Variants in ELF1 observed in about 807,000 individuals in gnomAD.
ELF1 encodes E74 like ETS transcription factor 1.
ELF1 carries 24 observed loss-of-function variants against 59.9 expected under a neutral mutation model. That is an observed-to-expected ratio of 0.40 (90% confidence interval 0.29 to 0.56). The LOEUF is 0.56. Ranked by LOEUF, ELF1 falls within the 20% of genes least tolerant of loss-of-function variation. ELF1 has a pLI of 0.44. For synonymous variants in ELF1, 248 were observed against 266.2 expected, an observed-to-expected ratio of 0.93 and a Z score of 0.67; for missense variants, 627 against 742.2, an observed-to-expected ratio of 0.84 and a Z score of 1.80.
At position 41,026,379 on chromosome 13, in the gene ELF1, A is replaced by G. The variant is rs145370454; in HGVS notation, c.-229+34459T>C. The stretch of plus-strand genomic sequence containing the variant: ...CCTCATTTGAGTGTTACTCCGGCCC[A>G]ATTACCAAGTGACCAGAAAAGCTGC... On this transcript the variant is annotated intron_variant, in intron 1 of 1. Coordinates refer to the ELF1 transcript ENST00000405737. Among the ~76,000 whole-genome samples, 621 of 152,306 alleles carry G rather than the reference A, an allele frequency of 4.1e-3. 2 individuals are homozygous for G. The highest frequency in any genetic ancestry group is 6.5e-3 in the Non-Finnish European group (443 of 68,026).
chr13:40,948,106 A>C (rs1353702460), intron 5 of ELF1, among the ~76,000 whole-genome samples: 1 of 152,202 alleles, frequency 6.6e-6, no homozygotes, highest in Non-Finnish European at 1.5e-5. Flanking sequence ...ACAGGAAATA[A>C]ATGAGGCAAG....
chr13:40,942,835 C>T (rs779161510), intron 7 of ELF1, 117 bp downstream of exon 7: 1 of 1,103,882 alleles, frequency 9.1e-7, no homozygotes, highest in Non-Finnish European at 1.2e-6. Flanking sequence ...AATGTACCCT[C>T]TTATTATGTA....
At chr13:40,968,131 G>A (rs912489615) in intron 2 of ELF1, among the ~76,000 whole-genome samples, 2 of 152,092 alleles carry the variant, frequency 1.3e-5, no homozygotes, top group African/African-American at 2.4e-5. Flanking sequence ...GCTTATTACC[G>A]ACATACATTT....
At chr13:41,050,128 T>C (rs1877026339) in intron 1 of ELF1, among the ~76,000 whole-genome samples, 1 of 152,236 alleles carries the variant, frequency 6.6e-6, no homozygotes, top group African/African-American at 2.4e-5. Context: ...TCTTTTCATC[T>C]TTCAAAGCTG....
upstream of ELF1, among the ~76,000 whole-genome samples, chr13:41,021,718 G>A (rs1297144405): frequency 6.6e-6 from 1 of 152,120 alleles, no homozygotes; most frequent in Admixed American, 6.5e-5. Context: ...ACTACATAAA[G>A]CACTTTCACA....
At chr13:40,935,671 T>TA (rs1029895212) in intron 8 of ELF1, among the ~76,000 whole-genome samples, 1 of 128,168 alleles carries the variant, frequency 7.8e-6, no homozygotes, top group African/African-American at 2.5e-5. Flanking sequence ...TATAGCCAGA[T>TA]ACCATTTTTT....
At chr13:41,051,435 G>A (rs1356664453) in intron 1 of ELF1, among the ~76,000 whole-genome samples, 1 of 151,918 alleles carries the variant, frequency 6.6e-6, no homozygotes, top group Non-Finnish European at 1.5e-5. Context: ...GTGCACCTTG[G>A]CATTAGAGGG....
intron 1 of ELF1, chr13:40,993,171 G>A: frequency 6.6e-7 from 1 of 1,510,070 alleles, no homozygotes. Context: ...AGTGTGTGTG[G>A]TTCTTCCTGC....
At chr13:41,061,373 C>T (rs1877618783) in exon 1 of ELF1, 3 of 522,542 alleles carry the variant, frequency 5.7e-6, no homozygotes, top group East Asian at 3.4e-5. Context: ...GCTCAGGTCC[C>T]GTCGCGCTTT....
intron 1 of ELF1, among the ~76,000 whole-genome samples, chr13:41,014,620 T>C (rs907646210): frequency 6.6e-6 from 1 of 152,194 alleles, no homozygotes; most frequent in Non-Finnish European, 1.5e-5. Context: ...ATTGTTCAGA[T>C]AGTTGGAAAC....
intron 1 of ELF1, among the ~76,000 whole-genome samples, chr13:41,054,636 T>C (rs925214165): frequency 6.6e-6 from 1 of 152,234 alleles, no homozygotes; most frequent in Non-Finnish European, 1.5e-5. Flanking sequence ...TTATCTGTTG[T>C]ATCTGATCCT....
intron 1 of ELF1, among the ~76,000 whole-genome samples, chr13:40,991,491 G>A (rs1873850264): frequency 6.6e-6 from 1 of 152,092 alleles, no homozygotes; most frequent in Non-Finnish European, 1.5e-5. Context: ...TGCAAAGACA[G>A]ATCTGGAACT....
chr13:40,988,858 T>C (rs1272729181), intron 1 of ELF1, among the ~76,000 whole-genome samples: 3 of 152,360 alleles, frequency 2.0e-5, no homozygotes, highest in African/African-American at 7.2e-5. Flanking sequence ...TGGAGTGCAG[T>C]GGCACGATCT....
rs1234808222 is a variant in ELF1, at chr13:40,933,315, C to T, written c.*110G>A. 1.7e-5 allele frequency: 23 copies of T among 1,365,506 alleles called. No individual in the cohort carries two copies. The highest frequency in any genetic ancestry group is 6.2e-5 in the South Asian group (4 of 64,998). 84.6% of individuals were successfully genotyped at this position (1,365,506 alleles called of 1,614,324 possible). A position where few individuals can be genotyped will look rare whatever the true frequency, so the allele number is the denominator to read the frequency against. ...AAGTCAAAATTAACTCTATTTTTAA[C>T]AATTACAAAATTAGAAACCTCCTTA... On this transcript the variant is annotated 3_prime_UTR_variant, in exon 9 of 9. Coordinates refer to ENST00000239882, the MANE Select transcript of ELF1 (RefSeq NM_172373.4).
chr13:41,056,557 T>C (rs1160310608), intron 1 of ELF1, among the ~76,000 whole-genome samples: 2 of 152,238 alleles, frequency 1.3e-5, no homozygotes, highest in Non-Finnish European at 1.5e-5. Context: ...CAAACTGTTT[T>C]CCAAAGCAAC....
At chr13:41,008,708 C>T (rs769817067) in intron 1 of ELF1, among the ~76,000 whole-genome samples, 2 of 152,166 alleles carry the variant, frequency 1.3e-5, no homozygotes, top group African/African-American at 2.4e-5. Context: ...TGTTGATGAG[C>T]TTTGGTGTAG....
intron 5 of ELF1, among the ~76,000 whole-genome samples, chr13:40,945,513 T>A (rs1566166985): frequency 3.3e-5 from 5 of 152,154 alleles, no homozygotes; most frequent in Admixed American, 2.0e-4. Context: ...TGGGGAGAAC[T>A]TGAAGAGAGG....
chr13:40,997,361 G>A (rs1027791924), intron 1 of ELF1, among the ~76,000 whole-genome samples: 4 of 151,980 alleles, frequency 2.6e-5, no homozygotes, highest in East Asian at 1.9e-4. Flanking sequence ...AGGTTCAAGC[G>A]ATTCTTCTGC....
At position 40,968,572 on chromosome 13, in the gene ELF1, A is replaced by G. The variant is rs74045678; in HGVS notation, c.73-9556T>C. ...ATTACACAAAGCAAGCTAGGATTGT[A>G]CAATAGATTTCCAAAGCCCAGTACA... is the stretch of plus-strand genomic sequence containing the variant. On this transcript the variant is annotated intron_variant, in intron 2 of 8. Transcript: ENST00000239882. Among the ~76,000 whole-genome samples the G allele has an allele frequency of 6.7e-3, 1,025 of 152,308 alleles. 9 individuals are homozygous for G. Among genetic ancestry groups the G allele is most frequent in the African/African-American group, 0.024 (978 of 41,552 alleles).
Sources: allele counts gnomAD v4.1 joint callset (sites outside exome capture counted in the v4.1 genomes callset), GRCh38; gene constraint gnomAD v4.1.1; transcripts MANE v1.5; gene names NCBI Gene and HGNC (gene_info 2026-07-23, HGNC 2026-07-21).